The following VPS41 variants were observed in gnomAD, a reference collection of about 807,000 sequenced individuals.
VPS41 encodes VPS41 subunit of HOPS complex, also known as vacuolar protein sorting-associated protein 41 homolog.
VPS41 carries 85 observed loss-of-function variants against 130.9 expected under a neutral mutation model. The ratio of observed to expected loss-of-function variants is 0.65; its 90% CI spans 0.55 to 0.78. The LOEUF (loss-of-function observed/expected upper bound fraction) is 0.78, where lower values mean the gene tolerates loss of function less well. VPS41 is among the 30% of genes least tolerant of loss of function. VPS41 has a pLI of 0.00. For missense variants in VPS41, 874 were observed against 1,018.7 expected (o/e 0.86, Z 1.93); for synonymous variants, 335 against 332.9 (o/e 1.01, Z -0.07).
In VPS41 at chr7:38,763,465, C is replaced by A. The variant is rs144752897; in HGVS notation, c.1412G>T (p.Ser471Ile). 1.3e-5 allele frequency: 21 copies of A among 1,600,124 alleles called. No homozygotes were observed. Among genetic ancestry groups the A allele is most frequent in the Non-Finnish European group, 1.6e-5 (19 of 1,174,354 alleles). Residue 471 changes from serine (S) to isoleucine (I), a missense_variant, in exon 17 of 29, where the codon AGT becomes ATT. Physicochemically the swap from Ser to Ile is moderately radical, Grantham distance 142. Transcript: ENST00000310301. ...YEMILHEFLE[S>I]DYEGFATLIR... ...ATCAGAACACCATACCTCATAATCACTCTCCAAAAATTCATGTAAGATCAT... is the reference window on the plus strand; with the variant it reads ...ATCAGAACACCATACCTCATAATCAATCTCCAAAAATTCATGTAAGATCAT...
intron 5 of VPS41, among the ~76,000 whole-genome samples, chr7:38,826,871 T>G (rs1396867811): frequency 6.6e-6 from 1 of 152,132 alleles, no homozygotes; most frequent in East Asian, 1.9e-4. Context: ...CAGGCTGGAG[T>G]GCAGTGGCGT....
intron 1 of VPS41, among the ~76,000 whole-genome samples, chr7:38,908,467 T>C (rs1257257615): frequency 6.6e-6 from 1 of 152,142 alleles, no homozygotes; most frequent in Non-Finnish European, 1.5e-5. Context: ...CAACAAATAA[T>C]CCCATTTAAT....
intron 23 of VPS41, among the ~76,000 whole-genome samples, chr7:38,744,983 A>C (rs1795958601): frequency 6.6e-6 from 1 of 152,214 alleles, no homozygotes; most frequent in Non-Finnish European, 1.5e-5. Context: ...TCCTCAGTAC[A>C]ACCCACATTG....
At chr7:38,842,176 A>C (rs1183195415) in intron 4 of VPS41, among the ~76,000 whole-genome samples, 3 of 152,010 alleles carry the variant, frequency 2.0e-5, no homozygotes, top group Non-Finnish European at 4.4e-5. Flanking sequence ...CTCATACCCC[A>C]CACAAGCAAT....
intron 27 of VPS41, among the ~76,000 whole-genome samples, chr7:38,727,918 C>T (rs1250781965): frequency 6.6e-6 from 1 of 152,176 alleles, no homozygotes; most frequent in East Asian, 1.9e-4. Context: ...ATATATCTAT[C>T]TGCCAAGAAC....
intron 1 of VPS41, among the ~76,000 whole-genome samples, chr7:38,900,338 A>G (rs538856556): frequency 6.6e-6 from 1 of 152,286 alleles, no homozygotes; most frequent in Non-Finnish European, 1.5e-5. Context: ...TCTTACTTAT[A>G]AGTAGAAGCT....
intron 25 of VPS41, among the ~76,000 whole-genome samples, chr7:38,731,681 A>ACT (rs1795665256): frequency 6.6e-6 from 1 of 152,068 alleles, no homozygotes; most frequent in African/African-American, 2.4e-5. Context: ...CTCTTCTGTT[A>ACT]CTCAGGTTTC....
chr7:38,758,554 A>G, intron 17 of VPS41, 73 bp from the exon 18 acceptor site: 1 of 1,440,942 alleles, frequency 6.9e-7, no homozygotes, highest in South Asian at 1.3e-5. Context: ...TGAAATATAC[A>G]TTTGGTCCTC....
intron 4 of VPS41, among the ~76,000 whole-genome samples, chr7:38,860,697 TTGTGTGTG>T (rs59007809): frequency 0.032 from 4,530 of 143,456 alleles, 107 homozygotes; most frequent in African/African-American, 0.072. Flanking sequence ...AACAATCTGT[TTGTGTGTG>T]TGTGTGTGTG....
chr7:38,900,103 T>C (rs984386052), intron 1 of VPS41, among the ~76,000 whole-genome samples: 4 of 151,958 alleles, frequency 2.6e-5, no homozygotes, highest in African/African-American at 7.3e-5. Context: ...AAAAGAAAAT[T>C]AGCTAGGTGT....
At chr7:38,771,108 G>A in intron 14 of VPS41, 90 bp downstream of exon 14, 4 of 950,324 alleles carry the variant, frequency 4.2e-6, no homozygotes, top group Non-Finnish European at 4.8e-6. Context: ...CAAAAGATAG[G>A]AAAAACCTGT....
At chr7:38,845,639 G>C (rs1785707417) in intron 4 of VPS41, among the ~76,000 whole-genome samples, 1 of 152,170 alleles carries the variant, frequency 6.6e-6, no homozygotes, top group Non-Finnish European at 1.5e-5. Context: ...TACTAAATTT[G>C]GCAGGTAAGA....
chr7:38,726,356 A>T (rs758452346), intron 28 of VPS41, 30 bp from the exon 29 acceptor site: 1 of 1,549,756 alleles, frequency 6.5e-7, no homozygotes, highest in Non-Finnish European at 8.9e-7. Flanking sequence ...ACACATATTT[A>T]AAAAATGATC....
chr7:38,737,236 G>A (rs994954395), intron 25 of VPS41, among the ~76,000 whole-genome samples: 1 of 152,114 alleles, frequency 6.6e-6, no homozygotes, highest in African/African-American at 2.4e-5. Context: ...GCTGGGTATG[G>A]TGGCACGTGT....
intron 21 of VPS41, among the ~76,000 whole-genome samples, chr7:38,753,224 A>G (rs1196098677): frequency 6.6e-6 from 1 of 152,198 alleles, no homozygotes; most frequent in African/African-American, 2.4e-5. Context: ...GGATTGGTTT[A>G]TAACAGACAT....
chr7:38,898,030 G>C (rs746624135), intron 2 of VPS41, 61 bp downstream of exon 2: 5 of 1,500,742 alleles, frequency 3.3e-6, no homozygotes, highest in Non-Finnish European at 4.6e-6. Context: ...GCAAAGAAGC[G>C]CAACTCAAGA....
At chr7:38,834,918 C>A (rs963051753) in intron 4 of VPS41, among the ~76,000 whole-genome samples, 2 of 150,946 alleles carry the variant, frequency 1.3e-5, no homozygotes, top group Non-Finnish European at 3.0e-5. Context: ...ACTTTTTGTT[C>A]GTTCACTGTT....
At chr7:38,790,871 A>T (rs1258545796) in intron 9 of VPS41, among the ~76,000 whole-genome samples, 1 of 152,230 alleles carries the variant, frequency 6.6e-6, no homozygotes, top group Non-Finnish European at 1.5e-5. Flanking sequence ...CAATAGTGCA[A>T]TCAACATACT....
intron 7 of VPS41, among the ~76,000 whole-genome samples, chr7:38,803,317 C>G (rs17680342): frequency 0.035 from 5,407 of 152,322 alleles, 127 homozygotes; most frequent in South Asian, 0.056. Flanking sequence ...TGTGATCTTT[C>G]AAGTTGATAA....
Sources: gnomAD v4.1 joint callset for allele counts (sites outside exome capture counted in the v4.1 genomes callset) on GRCh38, gnomAD v4.1.1 for gene constraint, MANE v1.5 for transcripts, NCBI Gene and HGNC (gene_info 2026-07-23, HGNC 2026-07-21) for gene names.